STK32A: variants seen among roughly 807,000 people sequenced by gnomAD.
STK32A encodes the protein serine/threonine-protein kinase 32A.
STK32A carries 41 observed loss-of-function variants against 53.2 expected under a neutral mutation model. The ratio of observed to expected loss-of-function variants is 0.77; its 90% CI spans 0.60 to 1.00. The LOEUF is 1.00. Among genes scored for constraint, STK32A ranks in the 50% least tolerant of loss-of-function variants. The probability of loss-of-function intolerance (pLI) is 0.00; values close to 1 mark genes in which losing one functional copy is unlikely to be tolerated. For missense variants in STK32A, 458 were observed against 485.8 expected, an observed-to-expected ratio of 0.94 and a Z score of 0.54; for synonymous variants, 166 against 162.8, an observed-to-expected ratio of 1.02 and a Z score of -0.15.
At chr5:147,281,036 A>T (rs2151955879) in intron 4 of STK32A, among the ~76,000 whole-genome samples, 1 of 152,270 alleles carries the variant, frequency 6.6e-6, no homozygotes, top group South Asian at 2.1e-4. Flanking sequence ...AATAGAGATA[A>T]CAATCACTGC....
intron 8 of STK32A, among the ~76,000 whole-genome samples, 176 bp from the exon 9 acceptor site, chr5:147,370,478 G>A (rs182668688): frequency 1.4e-4 from 22 of 152,192 alleles, no homozygotes; most frequent in Admixed American, 7.9e-4. Flanking sequence ...AGAAAAAGTA[G>A]GGGGTCTGGC....
intron 2 of STK32A, among the ~76,000 whole-genome samples, chr5:147,251,447 G>A (rs1010294083): frequency 2.0e-5 from 3 of 152,180 alleles, no homozygotes; most frequent in Non-Finnish European, 4.4e-5. Flanking sequence ...AGCAGGACTG[G>A]ACAGAGGCAC....
chr5:147,283,417 C>T (rs182140484), intron 4 of STK32A, among the ~76,000 whole-genome samples: 58 of 150,184 alleles, frequency 3.9e-4, no homozygotes, highest in African/African-American at 1.3e-3. Context: ...AACCCAAACC[C>T]GGCAGAAGAA....
chr5:147,252,597 T>C (rs184736008), intron 2 of STK32A, among the ~76,000 whole-genome samples: 1 of 152,242 alleles, frequency 6.6e-6, no homozygotes, highest in East Asian at 1.9e-4. Flanking sequence ...AAAAGCAAGA[T>C]TTACAATTAT....
chr5:147,256,780 G>A (rs889857229), intron 2 of STK32A, among the ~76,000 whole-genome samples: 1 of 152,066 alleles, frequency 6.6e-6, no homozygotes, highest in African/African-American at 2.4e-5. Context: ...CCAAAGTGCT[G>A]GGATTACAGG....
intron 2 of STK32A, among the ~76,000 whole-genome samples, chr5:147,257,398 T>C (rs1754283020): frequency 6.6e-6 from 1 of 152,096 alleles, no homozygotes. Context: ...GTCTTTGACT[T>C]GGCAAATCCC....
chr5:147,357,556 A>T (rs1016318996), intron 7 of STK32A, among the ~76,000 whole-genome samples: 1 of 151,964 alleles, frequency 6.6e-6, no homozygotes. Flanking sequence ...ATAATTTCTC[A>T]TTTTTAATTT....
At chr5:147,339,610 C>T (rs1312729677) in intron 5 of STK32A, among the ~76,000 whole-genome samples, 1 of 152,200 alleles carries the variant, frequency 6.6e-6, no homozygotes, top group Non-Finnish European at 1.5e-5. Flanking sequence ...ACAATGCCAG[C>T]CAATGAACGC....
chr5:147,291,914 T>C (rs548624468), intron 4 of STK32A, among the ~76,000 whole-genome samples: 1 of 152,324 alleles, frequency 6.6e-6, no homozygotes, highest in African/African-American at 2.4e-5. Context: ...TGAATGGCCA[T>C]GTACGCATTT....
At chr5:147,323,787 G>C (rs1008672829) in intron 4 of STK32A, 111 bp from the exon 5 acceptor site, 1 of 919,118 alleles carries the variant, frequency 1.1e-6, no homozygotes, top group Admixed American at 2.8e-5. Context: ...CCCAAAGTCT[G>C]AGCTCTTAGC....
rs762331838 is a variant in STK32A, at chr5:147,386,892, T to C, written c.*2909T>C. ...AATCTTTGTGGTCATTGCTAGTTGT[T>C]GACATCAGATCCTTTGGTTTTATTC... On this transcript the variant is annotated 3_prime_UTR_variant, in exon 13 of 13. Transcript: ENST00000397936. 5.3e-5 allele frequency: 8 copies of C among 152,262 alleles called. No homozygotes were observed. Among genetic ancestry groups the C allele is most frequent in the Non-Finnish European group, 1.0e-4 (7 of 68,044 alleles). 9.4% of individuals were successfully genotyped at this position (152,262 alleles called of 1,614,324 possible).
At chr5:147,355,326 C>A (rs1199789629) in intron 7 of STK32A, among the ~76,000 whole-genome samples, 1 of 152,150 alleles carries the variant, frequency 6.6e-6, no homozygotes, top group Non-Finnish European at 1.5e-5. Context: ...ATTATTCCTT[C>A]TCTCTTCTCC....
At chr5:147,314,942 A>G (rs1471000250) in intron 4 of STK32A, among the ~76,000 whole-genome samples, 1 of 151,762 alleles carries the variant, frequency 6.6e-6, no homozygotes, top group Non-Finnish European at 1.5e-5. Context: ...ACAGTGTCTC[A>G]CTATGTTGCC....
At chr5:147,375,976 C>T (rs1371333446) in intron 11 of STK32A, 1 of 152,192 alleles carries the variant, frequency 6.6e-6, no homozygotes, top group Non-Finnish European at 1.5e-5. Flanking sequence ...CTGCCTCCCT[C>T]CATCCATTCA....
At chr5:147,388,779 A>C (rs1757731565), downstream of STK32A, among the ~76,000 whole-genome samples, 1 of 152,182 alleles carries the variant, frequency 6.6e-6, no homozygotes, top group African/African-American at 2.4e-5. Context: ...TCCACCCTGA[A>C]GGAAGAGATG....
At chr5:147,325,657 A>G (rs1372660003) in intron 5 of STK32A, among the ~76,000 whole-genome samples, 1 of 152,116 alleles carries the variant, frequency 6.6e-6, no homozygotes, top group East Asian at 1.9e-4. Flanking sequence ...GCACCAGATA[A>G]ATGAAAGCAG....
intron 4 of STK32A, among the ~76,000 whole-genome samples, chr5:147,298,708 AT>A (rs1752984903): frequency 6.6e-6 from 1 of 152,244 alleles, no homozygotes; most frequent in Non-Finnish European, 1.5e-5. Flanking sequence ...TCTTGGCCAA[AT>A]TTTGTATTAG....
chr5:147,326,910 G>A (rs901825279), intron 5 of STK32A, among the ~76,000 whole-genome samples: 9 of 151,980 alleles, frequency 5.9e-5, no homozygotes, highest in African/African-American at 1.5e-4. Flanking sequence ...GTAGAGACAG[G>A]GTCTCCCTAT....
intron 4 of STK32A, among the ~76,000 whole-genome samples, chr5:147,318,115 T>C (rs990480083): frequency 6.6e-6 from 1 of 152,184 alleles, no homozygotes; most frequent in Non-Finnish European, 1.5e-5. Flanking sequence ...TGTGTTTATA[T>C]CCTTTTTAAA....
Sources: gnomAD v4.1 joint callset for allele counts (sites outside exome capture counted in the v4.1 genomes callset) on GRCh38, gnomAD v4.1.1 for gene constraint, MANE v1.5 for transcripts, NCBI Gene and HGNC (gene_info 2026-07-23, HGNC 2026-07-21) for gene names.